The following DVL3 variants were observed in gnomAD, a reference collection of about 807,000 sequenced individuals.
DVL3 encodes the protein dishevelled segment polarity protein 3.
A neutral mutation model predicts 67.4 loss-of-function variants in DVL3; 27 were observed. The observed-to-expected ratio is 0.40, with a 90% CI of 0.30 to 0.55. The LOEUF is 0.55. Among genes scored for constraint, DVL3 ranks in the 20% least tolerant of loss-of-function variants. The pLI is 0.46. For synonymous variants in DVL3, 369 were observed against 396.8 expected, an observed-to-expected ratio of 0.93 and a Z score of 0.83; for missense variants, 819 against 1,021.5, an observed-to-expected ratio of 0.80 and a Z score of 2.70.
In DVL3 at chr3:184,170,075, C is replaced by T. The variant is rs770741192; in HGVS notation, c.1568C>T (p.Pro523Leu). 1.2e-6 allele frequency: 2 copies of T among 1,613,984 alleles called. No individual in the cohort carries two copies. The highest frequency in any genetic ancestry group is 1.7e-6 in the Non-Finnish European group (2 of 1,179,964). The change falls in exon 14 of 15, where the codon CCT becomes CTT. Residue 523 changes from proline (P) to leucine (L), a missense_variant. Physicochemically the swap from Pro to Leu is moderately conservative, Grantham distance 98. Transcript: ENST00000313143. The surrounding 1 kb of genome is among the most constrained non-coding windows in gnomAD (Gnocchi z 6.5). ...GCCTCTGACCAGGACACACTGGCCC[C>T]TTTGCCGCACCCGGGGGCCGCCCCT... ...SGASDQDTLAPLPHPGAAPWP... is the reference protein window; with the variant it reads ...SGASDQDTLALLPHPGAAPWP...
Position 184,164,156 on chromosome 3 carries a change from C to A in DVL3, c.232-111C>A. On this transcript the variant is annotated intron_variant, in intron 2 of 14. Transcript: ENST00000313143. The surrounding 1 kb of genome is among the most constrained non-coding windows in gnomAD (Gnocchi z 5.3). ...TCGCACAGCCCTGTCTTTTCTCCCT[C>A]GATATTTCCTGCTTCCTTCCTCTTA... 1 of 1,327,222 alleles carries A rather than the reference C, an allele frequency of 7.5e-7. No individual in the cohort carries two copies. Among genetic ancestry groups the A allele is most frequent in the Non-Finnish European group, 1.0e-6 (1 of 952,404 alleles). The allele number at this position is 1,327,222 out of a possible 1,614,324, so 82.2% of individuals were successfully genotyped here. A position where few individuals can be genotyped will look rare whatever the true frequency, so the allele number is the denominator to read the frequency against.
At position 184,170,237 on chromosome 3, in the gene DVL3, C is replaced by A. The variant is rs1381002843; in HGVS notation, c.1714+16C>A. The A allele has an allele frequency of 6.2e-7, 1 of 1,611,206 alleles. No individual in the cohort carries two copies. Among genetic ancestry groups the A allele is most frequent in the Non-Finnish European group, 8.5e-7 (1 of 1,179,058 alleles). ...CACAGCGAAGGTAAGGTAGAGGGGC[C>A]GTGGAGGAAGGCTATAGGTGGGCCC... On this transcript the variant is annotated intron_variant, in intron 14 of 14. Transcript: ENST00000313143. The surrounding 1 kb of genome is among the most constrained non-coding windows in gnomAD (Gnocchi z 6.5).
chr3:184,158,779 CTT>C (rs34189027), intron 1 of DVL3, among the ~76,000 whole-genome samples: 2 of 131,546 alleles, frequency 1.5e-5, no homozygotes, highest in Admixed American at 7.9e-5. Context: ...AATTTTTTTT[CTT>C]TTTTTTTTTT....
intron 1 of DVL3, chr3:184,156,263 C>G (rs1455934440): frequency 2.2e-6 from 1 of 454,440 alleles, no homozygotes; most frequent in Non-Finnish European, 4.4e-6. Context: ...TATGCTGCAT[C>G]TGAGGGCTCT....
chr3:184,171,661 A>C lies in DVL3; in HGVS notation c.*906A>C, dbSNP rs1714844487. 1.1e-6 allele frequency: 1 copy of C among 933,208 alleles called. No homozygotes were observed. The highest frequency in any genetic ancestry group is 6.2e-5 in the Admixed American group (1 of 16,196). The allele number at this position is 933,208 out of a possible 1,614,324, so 57.8% of individuals were successfully genotyped here. A position where few individuals can be genotyped will look rare whatever the true frequency, so the allele number is the denominator to read the frequency against. On this transcript the variant is annotated 3_prime_UTR_variant, in exon 15 of 15. Transcript: ENST00000313143. Reference sequence around the variant, plus strand: ...AGGAACCCTGCTTCAGCAGCCCCTCAGGGCTTCCCAAGGATGTCCAGCCCC... The same window carrying C: ...AGGAACCCTGCTTCAGCAGCCCCTCCGGGCTTCCCAAGGATGTCCAGCCCC...
chr3:184,171,619 C>T lies in DVL3; in HGVS notation c.*864C>T. The T allele has an allele frequency of 1.0e-6, 1 of 985,278 alleles. No homozygotes were observed. The highest frequency in any genetic ancestry group is 1.2e-6 in the Non-Finnish European group (1 of 829,366). The allele number at this position is 985,278 out of a possible 1,614,324, so 61.0% of individuals were successfully genotyped here. On this transcript the variant is annotated 3_prime_UTR_variant, in exon 15 of 15. Coordinates refer to ENST00000313143, the MANE Select transcript of DVL3 (RefSeq NM_004423.4). ...TGTGAGCCCCCAGCGAGGGGAGGCC[C>T]AGCCTCCGAGGAGACCAGGAACCCT...
Position 184,164,439 on chromosome 3 carries a change from G to T in DVL3, c.353+51G>T. 5 of 1,600,992 alleles carry T rather than the reference G, an allele frequency of 3.1e-6. No individual in the cohort carries two copies. Among genetic ancestry groups the T allele is most frequent in the Non-Finnish European group, 4.3e-6 (5 of 1,173,636 alleles). On this transcript the variant is annotated intron_variant, in intron 3 of 14. Transcript: ENST00000313143. This position sits in a 1 kb window ranked among gnomAD's most constrained non-coding sequence, Gnocchi z 5.3. ...GGCCGCATCAGTTCAGCCCAGGGCT[G>T]GGGGAGGGAGCCCCCAGCCTGCCCC... is the stretch of plus-strand genomic sequence containing the variant.
In DVL3 at chr3:184,167,723, CCATGGTGGGATG is replaced by C. The variant is rs1224823748; in HGVS notation, c.1330+15_1330+26del. The C allele has an allele frequency of 6.2e-7, 1 of 1,605,966 alleles. No homozygotes were observed. Among genetic ancestry groups the C allele is most frequent in the African/African-American group, 1.3e-5 (1 of 74,992 alleles). The stretch of plus-strand genomic sequence containing the variant: ...TAATGCTTTCATCGGTGAGAGAGCC[CCATGGTGGGATG>C]CAGGGTGGGTGGGGAGTGATGGGGC... On this transcript the variant is annotated intron_variant, in intron 12 of 14. Transcript: ENST00000313143. The surrounding 1 kb of genome is among the most constrained non-coding windows in gnomAD (Gnocchi z 4.6).
At position 184,159,353 on chromosome 3, in the gene DVL3, C is replaced by T. The variant is rs1446055476; in HGVS notation, c.161+3557C>T. Among the ~76,000 whole-genome samples the T allele has an allele frequency of 1.1e-4, 11 of 100,448 alleles. 3 individuals carry two copies. The South Asian group carries it at 1.1e-3, about 10-fold the overall frequency. The allele number at this position is 100,448 out of a possible 152,430, so 65.9% of individuals were successfully genotyped here. ...TTTCTGTGAGAACTGTCATGGCACTCTCTTATTTTATCCTTTTTTTTTTTT... is the reference window on the plus strand; with the variant it reads ...TTTCTGTGAGAACTGTCATGGCACTTTCTTATTTTATCCTTTTTTTTTTTT... On this transcript the variant is annotated intron_variant, in intron 1 of 14. Coordinates refer to ENST00000313143, the MANE Select transcript of DVL3 (RefSeq NM_004423.4).
In DVL3 at chr3:184,166,287, G is replaced by A. The variant is rs759327886; in HGVS notation, c.903+22G>A. 23 of 1,610,318 alleles carry A rather than the reference G, an allele frequency of 1.4e-5. No individual in the cohort carries two copies. Among genetic ancestry groups the A allele is most frequent in the African/African-American group, 1.1e-4 (8 of 74,648 alleles). On this transcript the variant is annotated intron_variant, in intron 8 of 14. Coordinates refer to ENST00000313143, the MANE Select transcript of DVL3 (RefSeq NM_004423.4). This position sits in a 1 kb window ranked among gnomAD's most constrained non-coding sequence, Gnocchi z 6.7. ...ACAGGTATCAGTGCCCATCCTAGGC[G>A]GTGGTGTGGATAGAGGGCAGGGAGG...
Position 184,166,941 on chromosome 3 carries a change from C to T in DVL3, c.1164C>T (p.Ser388=), listed in dbSNP as rs554713632. 2 of 1,614,148 alleles carry T rather than the reference C, an allele frequency of 1.2e-6. No individual in the cohort carries two copies. The highest frequency in any genetic ancestry group is 1.7e-5 in the Admixed American group (1 of 60,024). ...CCCTGAGCACCATCACCTCCACCAG[C>T]TCCTCCATCACCAGTTCCATCCCTG... ...SPSLSTITST[S]SSITSSIPDT... is the part of the protein sequence containing the mutation. The change falls in exon 11 of 15, where the codon AGC becomes AGT. Residue 388 remains serine (S), a synonymous_variant. Transcript: ENST00000313143. This position sits in a 1 kb window ranked among gnomAD's most constrained non-coding sequence, Gnocchi z 6.7.
At position 184,165,703 on chromosome 3, in the gene DVL3, G is replaced by A. The variant is rs1180082911; in HGVS notation, c.763+212G>A. ...GCTGTGGAAGCAGAAAATGGTATCAGGGAAGGCTTCCTGGAGGAAGTGATT... is the reference window on the plus strand; with the variant it reads ...GCTGTGGAAGCAGAAAATGGTATCAAGGAAGGCTTCCTGGAGGAAGTGATT... On this transcript the variant is annotated intron_variant, in intron 7 of 14. Coordinates refer to ENST00000313143, the MANE Select transcript of DVL3 (RefSeq NM_004423.4). This position sits in a 1 kb window ranked among gnomAD's most constrained non-coding sequence, Gnocchi z 4.1. Among the ~76,000 whole-genome samples the A allele has an allele frequency of 6.6e-6, 1 of 152,208 alleles. No individual in the cohort carries two copies. The highest frequency in any genetic ancestry group is 1.5e-5 in the Non-Finnish European group (1 of 68,042).
rs578177750 is a variant in DVL3, at chr3:184,159,304, T to C, written c.161+3508T>C. Among the ~76,000 whole-genome samples, 25 of 103,716 alleles carry C rather than the reference T, an allele frequency of 2.4e-4. 7 individuals are homozygous for C. The highest frequency in any genetic ancestry group is 6.2e-4 in the Admixed American group (7 of 11,286). 68.0% of individuals were successfully genotyped at this position (103,716 alleles called of 152,430 possible). On this transcript the variant is annotated intron_variant, in intron 1 of 14. Coordinates refer to ENST00000313143, the MANE Select transcript of DVL3 (RefSeq NM_004423.4). Reference sequence around the variant, plus strand: ...TTCCCCTGTCTCCTCCAGGTTCAAATTCTCCTGTCTTCTGGGTTGAGCTTT... The same window carrying C: ...TTCCCCTGTCTCCTCCAGGTTCAAACTCTCCTGTCTTCTGGGTTGAGCTTT...
Position 184,165,879 on chromosome 3 carries a change from T to G in DVL3, c.764-247T>G, listed in dbSNP as rs1358335385. 6.6e-6 allele frequency among the ~76,000 whole-genome samples: 1 copy of G among 152,238 alleles called. No homozygotes were observed. The highest frequency in any genetic ancestry group is 2.4e-5 in the African/African-American group (1 of 41,460). Reference sequence around the variant, plus strand: ...GAGTTTGATTCCTGGCTCTGCCACTTACTGGCTTAGAAAAGTCATCTTCTA... The same window carrying G: ...GAGTTTGATTCCTGGCTCTGCCACTGACTGGCTTAGAAAAGTCATCTTCTA... On this transcript the variant is annotated intron_variant, in intron 7 of 14. Transcript: ENST00000313143. This position sits in a 1 kb window ranked among gnomAD's most constrained non-coding sequence, Gnocchi z 4.1.
chr3:184,160,071 C>T (rs1341921600), intron 1 of DVL3, among the ~76,000 whole-genome samples: 1 of 150,624 alleles, frequency 6.6e-6, no homozygotes, highest in Non-Finnish European at 1.5e-5. Context: ...TCCCGAGTAG[C>T]TGGGACTACA....
Position 184,164,828 on chromosome 3 carries a change from C to A in DVL3, c.496C>A (p.Arg166=). 1.9e-6 allele frequency: 3 copies of A among 1,614,168 alleles called. No individual in the cohort carries two copies. Among genetic ancestry groups the A allele is most frequent in the Non-Finnish European group, 2.5e-6 (3 of 1,180,034 alleles). The change falls in exon 5 of 15, where the codon CGG becomes AGG. Residue 166 remains arginine (R), a synonymous_variant. Coordinates refer to ENST00000313143, the MANE Select transcript of DVL3 (RefSeq NM_004423.4). The surrounding 1 kb of genome is among the most constrained non-coding windows in gnomAD (Gnocchi z 5.3). ...TRLNGTAKGE[R]RREPGGYDSS... is the part of the protein sequence containing the mutation. Reference sequence around the variant, plus strand: ...GCTAAATGGAACTGCGAAGGGGGAACGGCGGCGAGAACCAGGGGGTTATGA... The same window carrying A: ...GCTAAATGGAACTGCGAAGGGGGAAAGGCGGCGAGAACCAGGGGGTTATGA...
chr3:184,169,968 C>A, intron 13 of DVL3, 38 bp from the exon 14 acceptor site: 1 of 1,542,210 alleles, frequency 6.5e-7, no homozygotes, highest in South Asian at 1.2e-5. Flanking sequence ...GACCTCTCTC[C>A]GGAAAGACCT....
intron 1 of DVL3, among the ~76,000 whole-genome samples, chr3:184,158,334 GA>G (rs58854843): frequency 6.5e-4 from 77 of 118,040 alleles, no homozygotes; most frequent in Admixed American, 8.0e-4. Context: ...CCGTGTTTCA[GA>G]AAAAAAAAAA....
In DVL3 at chr3:184,155,803, A is replaced by T; in HGVS notation, c.161+7A>T. 6.2e-7 allele frequency: 1 copy of T among 1,601,872 alleles called. No individual in the cohort carries two copies. The highest frequency in any genetic ancestry group is 8.5e-7 in the Non-Finnish European group (1 of 1,174,368). ...CTATGGACGACGATTTCGGGTGAGGATGGCCCCCGCCCCGCCTCCGGGAGC... is the reference window on the plus strand; with the variant it reads ...CTATGGACGACGATTTCGGGTGAGGTTGGCCCCCGCCCCGCCTCCGGGAGC... On this transcript the variant is annotated splice_region_variant and intron_variant, in intron 1 of 14. Transcript: ENST00000313143. The surrounding 1 kb of genome is among the most constrained non-coding windows in gnomAD (Gnocchi z 5.4).
Sources: gnomAD v4.1 joint callset for allele counts (sites outside exome capture counted in the v4.1 genomes callset) on GRCh38, gnomAD v4.1.1 for gene constraint, Gnocchi (gnomAD v3.1) non-coding constraint, MANE v1.5 for transcripts, NCBI Gene and HGNC (gene_info 2026-07-23, HGNC 2026-07-21) for gene names.